The following ALPL variants were observed in gnomAD, a reference collection of about 807,000 sequenced individuals.
The protein encoded by ALPL is alkaline phosphatase, biomineralization associated.
Under a neutral mutation model 51.3 loss-of-function variants are expected in ALPL, and 42 were observed. That is an observed-to-expected ratio of 0.82 (90% CI 0.64 to 1.06). ALPL has a LOEUF of 1.06. ALPL is among the 50% of genes least tolerant of loss of function. ALPL has a pLI of 0.00. For synonymous variants in ALPL, 279 were observed against 296.4 expected (o/e 0.94, Z 0.60); for missense variants, 589 against 709.4 (o/e 0.83, Z 1.93).
intron 1 of ALPL, among the ~76,000 whole-genome samples, chr1:21,548,453 T>C (rs939803839): frequency 3.9e-5 from 6 of 152,238 alleles, no homozygotes; most frequent in East Asian, 1.9e-4. Flanking sequence ...GTGGCACTTA[T>C]GGAACTGCTA....
rs763073466 is a variant in ALPL at position 21,577,473 on chromosome 1, T to C, written c.1400T>C (p.Met467Thr). ...GTGGCCGTCTTCTCCAAGGGCCCCA[T>C]GGCGCACCTGCTGCACGGCGTCCAC... ...EDVAVFSKGP[M>T]AHLLHGVHEQ... Residue 467 changes from methionine to threonine, a missense_variant, in exon 12 of 12, where the codon ATG (methionine) becomes ACG (threonine). By Grantham distance (81) the Met-to-Thr change is moderately conservative. Transcript: ENST00000374840. 3 of 1,610,632 alleles carry C rather than the reference T, an allele frequency of 1.9e-6. No homozygotes were observed. The highest frequency in any genetic ancestry group is 1.1e-5 in the South Asian group (1 of 91,084).
chr1:21,548,724 G>A (rs1311637443), intron 1 of ALPL, among the ~76,000 whole-genome samples: 2 of 152,114 alleles, frequency 1.3e-5, no homozygotes, highest in Non-Finnish European at 2.9e-5. Flanking sequence ...CTCAGTTCTT[G>A]TTTTGTTTAT....
At chr1:21,545,674 T>C (rs1644245793) in intron 1 of ALPL, among the ~76,000 whole-genome samples, 1 of 152,170 alleles carries the variant, frequency 6.6e-6, no homozygotes, top group Non-Finnish European at 1.5e-5. Flanking sequence ...GTAACCAATC[T>C]GACTGCACCT....
chr1:21,537,745 C>T (rs1281974426), intron 1 of ALPL, among the ~76,000 whole-genome samples: 1 of 152,190 alleles, frequency 6.6e-6, no homozygotes, highest in Non-Finnish European at 1.5e-5. Context: ...ACGGACCTGG[C>T]CTGAATCCCA....
chr1:21,548,596 A>G (rs1558540301), intron 1 of ALPL, among the ~76,000 whole-genome samples: 1 of 152,150 alleles, frequency 6.6e-6, no homozygotes, highest in Non-Finnish European at 1.5e-5. Context: ...TGAGCCTTTC[A>G]GTGCTCCCGG....
At chr1:21,536,142 G>A (rs1644102833) in intron 1 of ALPL, among the ~76,000 whole-genome samples, 1 of 152,228 alleles carries the variant, frequency 6.6e-6, no homozygotes. Flanking sequence ...CTGTCAGAAA[G>A]TGAGGATCTG....
intron 1 of ALPL, among the ~76,000 whole-genome samples, chr1:21,553,580 A>G (rs371512013): frequency 2.0e-4 from 31 of 152,176 alleles, no homozygotes; most frequent in South Asian, 1.2e-3. Flanking sequence ...TAGAAATACA[A>G]TCGGAGCCTC....
At chr1:21,568,607 TGGGGGACGCCTGGCTCTGCAGGCGCCCTG>T (rs1382801855) in intron 7 of ALPL, among the ~76,000 whole-genome samples, 4 of 151,960 alleles carry the variant, frequency 2.6e-5, no homozygotes, top group African/African-American at 4.8e-5. Flanking sequence ...TGTGCCTGCA[TGGGGGACGCCTGGCTCTGCAGGCGCCCTG>T]GGGGGACAGA....
chr1:21,574,331 T>C, intron 9 of ALPL: 1 of 453,114 alleles, frequency 2.2e-6, no homozygotes, highest in Non-Finnish European at 2.9e-6. Flanking sequence ...CTCCATTGTG[T>C]TCAGAGACAT....
intron 11 of ALPL, 131 bp downstream of exon 11, chr1:21,576,772 G>A (rs1260547274): frequency 1.7e-5 from 21 of 1,268,894 alleles, no homozygotes; most frequent in Non-Finnish European, 2.1e-5. Context: ...CAGTTTGATT[G>A]TTGAGTCCCA....
chr1:21,576,621 A>G lies in ALPL; in HGVS notation c.1289A>G (p.Asn430Ser), dbSNP rs1644741375. The G allele has an allele frequency of 6.2e-7, 1 of 1,613,450 alleles. No individual in the cohort carries two copies. Among genetic ancestry groups the G allele is most frequent in the Non-Finnish European group, 8.5e-7 (1 of 1,179,710 alleles). Residue 430 changes from asparagine to serine, a missense_variant, in exon 11 of 12, where the codon AAT (asparagine) becomes AGT (serine). By Grantham distance (46) the Asn-to-Ser change is conservative. Transcript: ENST00000374840. ...GYKVVGGERENVSMVDYAHNN... is the reference protein window; with the variant it reads ...GYKVVGGERESVSMVDYAHNN... ...AAGGTGGTGGGCGGTGAACGAGAGA[A>G]TGTCTCCATGGTGGACTATGGTGAG...
At chr1:21,548,788 C>T (rs774678000) in intron 1 of ALPL, among the ~76,000 whole-genome samples, 5 of 152,184 alleles carry the variant, frequency 3.3e-5, no homozygotes, top group Admixed American at 1.3e-4. Flanking sequence ...TCCCACAGCT[C>T]ACCGAAGTCC....
intron 6 of ALPL, 25 bp from the exon 7 acceptor site, chr1:21,568,079 A>G: frequency 3.1e-6 from 5 of 1,613,866 alleles, no homozygotes; most frequent in Non-Finnish European, 4.2e-6. Flanking sequence ...AACCCTGCAG[A>G]AGTGATGGCT....
At chr1:21,529,709 C>G (rs983714388) in intron 1 of ALPL, among the ~76,000 whole-genome samples, 1 of 152,152 alleles carries the variant, frequency 6.6e-6, no homozygotes, top group Admixed American at 6.6e-5. Context: ...TTCTGTTTTG[C>G]TAACATCTTT....
intron 1 of ALPL, among the ~76,000 whole-genome samples, chr1:21,539,622 T>C (rs1644154878): frequency 3.3e-5 from 5 of 151,800 alleles, no homozygotes; most frequent in South Asian, 4.2e-4. Flanking sequence ...CTGGGGAGGT[T>C]GTGTACCCTC....
chr1:21,576,726 A>C, intron 11 of ALPL, 85 bp downstream of exon 11: 1 of 1,573,530 alleles, frequency 6.4e-7, no homozygotes, highest in East Asian at 2.3e-5. Context: ...CTTGTGGTCA[A>C]GGTCAGGGGT....
At chr1:21,576,403 G>T in intron 10 of ALPL, 119 bp from the exon 11 acceptor site, 3 of 1,386,824 alleles carry the variant, frequency 2.2e-6, no homozygotes, top group East Asian at 2.3e-5. Flanking sequence ...TGGAGGCATT[G>T]CAGGGCCCTT....
At chr1:21,558,206 A>G (rs1178333033) in intron 2 of ALPL, among the ~76,000 whole-genome samples, 1 of 152,216 alleles carries the variant, frequency 6.6e-6, no homozygotes, top group East Asian at 1.9e-4. Flanking sequence ...AGAGAGAACA[A>G]GCACTCAACG....
At chr1:21,560,552 G>T in intron 2 of ALPL, 74 bp from the exon 3 acceptor site, 5 of 1,584,714 alleles carry the variant, frequency 3.2e-6, no homozygotes, top group Non-Finnish European at 4.3e-6. Flanking sequence ...GCAATCAGAA[G>T]TGGGGGGATC....
Sources: gnomAD v4.1 joint callset for allele counts (sites outside exome capture counted in the v4.1 genomes callset) on GRCh38, gnomAD v4.1.1 for gene constraint, MANE v1.5 for transcripts, NCBI Gene and HGNC (gene_info 2026-07-23, HGNC 2026-07-21) for gene names.